Variants in TTC7A observed in about 807,000 individuals in gnomAD.
TTC7A encodes the protein tetratricopeptide repeat protein 7A.
In TTC7A, 110 loss-of-function variants were observed where a neutral mutation model predicts 103.7. The ratio of observed to expected loss-of-function variants is 1.06; its 90% CI spans 0.91 to 1.24. The LOEUF (loss-of-function observed/expected upper bound fraction) is 1.24. TTC7A is among the 50% of genes most tolerant of loss of function. The pLI, the probability that TTC7A is intolerant of heterozygous loss-of-function variation, is 0.00. For synonymous variants in TTC7A, 521 were observed against 467.9 expected (o/e 1.11, Z -1.47); for missense variants, 1,340 against 1,116.3 (o/e 1.20, Z -2.86).
Position 46,975,245 on chromosome 2 carries a change from T to G in TTC7A, c.648+142T>G, listed in dbSNP as rs534729382. 2.5e-4 allele frequency: 275 copies of G among 1,111,040 alleles called. 2 individuals are homozygous for G. In the Middle Eastern group the frequency reaches 3.1e-3, roughly 13 times the overall value. 68.8% of individuals were successfully genotyped at this position (1,111,040 alleles called of 1,614,324 possible). A position where few individuals can be genotyped will look rare whatever the true frequency, so the allele number is the denominator to read the frequency against. Reference sequence around the variant, plus strand: ...CCCCCAAAGACACTCTACTTCATAGTTGGAAAACTCATTATAGTATACTGA... The same window carrying G: ...CCCCCAAAGACACTCTACTTCATAGGTGGAAAACTCATTATAGTATACTGA... On this transcript the variant is annotated intron_variant, in intron 4 of 19. Transcript: ENST00000319190.
In TTC7A at chr2:47,029,247, G is replaced by A. The variant is rs1185995176; in HGVS notation, c.1665G>A (p.Leu555=). The part of the protein sequence containing the change: ...VRQISSAMEQ[L]QEALKVRKDD... The stretch of plus-strand genomic sequence containing the variant: ...AGATCTCCAGTGCCATGGAGCAGCT[G>A]CAGGAGGCCCTGAAGGTACGCAAGG... The change falls in exon 15 of 20, where the codon CTG becomes CTA. Residue 555 remains leucine (L), a synonymous_variant. Transcript: ENST00000319190. The A allele has an allele frequency of 1.2e-6, 2 of 1,613,808 alleles. No individual in the cohort carries two copies. Among genetic ancestry groups the A allele is most frequent in the African/African-American group, 2.7e-5 (2 of 74,942 alleles).
At chr2:47,054,002 C>A in intron 18 of TTC7A, 1 of 601,874 alleles carries the variant, frequency 1.7e-6, no homozygotes, top group Non-Finnish European at 2.1e-6. Flanking sequence ...CCTCCTGAAG[C>A]CAGTAATTAG....
chr2:46,951,271 T>C (rs546297781), intron 2 of TTC7A, among the ~76,000 whole-genome samples: 1 of 151,786 alleles, frequency 6.6e-6, no homozygotes, highest in East Asian at 1.9e-4. Flanking sequence ...CCACCAGCAG[T>C]GTAGGCATCA....
At chr2:46,980,698 C>T (rs920867906) in intron 5 of TTC7A, among the ~76,000 whole-genome samples, 2 of 152,076 alleles carry the variant, frequency 1.3e-5, no homozygotes, top group Admixed American at 6.5e-5. Flanking sequence ...GGGAGGGGCA[C>T]AGAGGCTCAG....
At chr2:46,928,457 A>C (rs1669516751) in intron 2 of TTC7A, among the ~76,000 whole-genome samples, 2 of 133,228 alleles carry the variant, frequency 1.5e-5, no homozygotes, top group African/African-American at 3.3e-5. Flanking sequence ...GGAAAGGGAA[A>C]TTAAAAAAAA....
intron 11 of TTC7A, among the ~76,000 whole-genome samples, chr2:47,019,259 G>A (rs1434815271): frequency 1.3e-5 from 2 of 152,102 alleles, no homozygotes; most frequent in Non-Finnish European, 2.9e-5. Flanking sequence ...ATGGCCGGAT[G>A]TGTTGGGTCA....
intron 2 of TTC7A, 57 bp from the exon 3 acceptor site, chr2:46,956,782 T>G: frequency 3.8e-6 from 6 of 1,595,618 alleles, no homozygotes; most frequent in East Asian, 4.5e-5. Context: ...TCAGTGGGGG[T>G]GTTCACCCCA....
chr2:47,057,902 T>C (rs1020510634), intron 18 of TTC7A, among the ~76,000 whole-genome samples: 5 of 152,160 alleles, frequency 3.3e-5, no homozygotes, highest in Middle Eastern at 6.3e-3. Flanking sequence ...CATTCCACTG[T>C]CCTGGTCTCT....
intron 16 of TTC7A, chr2:47,047,263 C>T: frequency 6.5e-7 from 1 of 1,543,478 alleles, no homozygotes; most frequent in Non-Finnish European, 8.8e-7. Context: ...TGTGTTTTCA[C>T]AGAGACTTTA....
chr2:46,961,358 C>T (rs1672351262), intron 3 of TTC7A, among the ~76,000 whole-genome samples: 4 of 152,032 alleles, frequency 2.6e-5, no homozygotes, highest in Non-Finnish European at 4.4e-5. Context: ...GGGCAGATCA[C>T]GAGGTCAGGA....
intron 15 of TTC7A, among the ~76,000 whole-genome samples, chr2:47,036,503 C>A (rs1681120573): frequency 6.6e-6 from 1 of 152,140 alleles, no homozygotes; most frequent in African/African-American, 2.4e-5. Flanking sequence ...GGATTAGTCT[C>A]TGGGAAGGTA....
chr2:47,073,553 A>ACAGT, intron 19 of TTC7A, 149 bp from the exon 20 acceptor site: 1 of 676,974 alleles, frequency 1.5e-6, no homozygotes, highest in Non-Finnish European at 2.6e-6. Flanking sequence ...GGGGAAAGGC[A>ACAGT]CAGTCACTTA....
At chr2:46,945,937 G>A (rs1001236855) in intron 1 of TTC7A, among the ~76,000 whole-genome samples, 1 of 152,204 alleles carries the variant, frequency 6.6e-6, no homozygotes, top group Non-Finnish European at 1.5e-5. Context: ...GCGGGGAAGG[G>A]CCTGGTCTGA....
Position 47,005,171 on chromosome 2 carries a change from G to C in TTC7A, c.1066-751G>C, listed in dbSNP as rs144266450. Among the ~76,000 whole-genome samples the C allele has an allele frequency of 3.0e-3, 455 of 152,304 alleles. 10 individuals carry two copies. In the South Asian group the frequency reaches 0.048, roughly 16 times the overall value. ...GAAGCTCTCCCTGGGGAGGGACGGA[G>C]GAGAGTTTCCATGGTTGGAAGGAGC... On this transcript the variant is annotated intron_variant, in intron 8 of 19. Transcript: ENST00000319190.
chr2:46,945,078 T>G (rs1670816968), intron 1 of TTC7A, among the ~76,000 whole-genome samples: 1 of 152,212 alleles, frequency 6.6e-6, no homozygotes, highest in South Asian at 2.1e-4. Context: ...AACCTTTTGC[T>G]GTGCTTGCTT....
chr2:47,025,205 G>T (rs1238885070), intron 14 of TTC7A, among the ~76,000 whole-genome samples: 1 of 152,194 alleles, frequency 6.6e-6, no homozygotes, highest in Non-Finnish European at 1.5e-5. Context: ...TCAGGTGGAG[G>T]GCAGCCCTGC....
chr2:47,012,583 C>G (rs954930221), intron 11 of TTC7A, among the ~76,000 whole-genome samples: 5 of 152,230 alleles, frequency 3.3e-5, no homozygotes, highest in African/African-American at 1.2e-4. Context: ...TACAACTCTT[C>G]TTGCCACTTT....
intron 10 of TTC7A, among the ~76,000 whole-genome samples, chr2:47,010,542 CA>C (rs1677933045): frequency 6.6e-6 from 1 of 151,844 alleles, no homozygotes; most frequent in African/African-American, 2.4e-5. Context: ...TCAGCAGGTC[CA>C]GTCTGAGTCC....
Position 46,949,595 on chromosome 2 carries a change from C to T in TTC7A, c.185-768C>T, listed in dbSNP as rs188630467. ...GATGCAAATGAGCTACCCTCATTTG[C>T]GGGTATACCCTATATGTGAGAGAAC... is the stretch of plus-strand genomic sequence containing the variant. On this transcript the variant is annotated intron_variant, in intron 1 of 19. Coordinates refer to ENST00000319190, the MANE Select transcript of TTC7A (RefSeq NM_020458.4). 1.1e-3 allele frequency among the ~76,000 whole-genome samples: 163 copies of T among 152,244 alleles called. 2 individuals are homozygous for T. Among genetic ancestry groups the T allele is most frequent in the African/African-American group, 3.8e-3 (157 of 41,544 alleles).
Sources: allele counts gnomAD v4.1 joint callset (sites outside exome capture counted in the v4.1 genomes callset), GRCh38; gene constraint gnomAD v4.1.1; transcripts MANE v1.5; gene names NCBI Gene and HGNC (gene_info 2026-07-23, HGNC 2026-07-21).